NAV3: variants seen among roughly 807,000 people sequenced by gnomAD.
The protein encoded by NAV3 is pore membrane and/or filament interacting like protein 1.
Under a neutral mutation model 244.7 loss-of-function variants are expected in NAV3, and 87 were observed. That is an observed-to-expected ratio of 0.36 (90% CI 0.30 to 0.42). The LOEUF (loss-of-function observed/expected upper bound fraction) is 0.42. Ranked by LOEUF, NAV3 falls within the 20% of genes least tolerant of loss-of-function variation. The pLI, the probability that NAV3 is intolerant of heterozygous loss-of-function variation, is 1.00. For missense variants in NAV3, 2,663 were observed against 2,893.3 expected, an observed-to-expected ratio of 0.92 and a Z score of 1.83; for synonymous variants, 1,126 against 1,042.2, an observed-to-expected ratio of 1.08 and a Z score of -1.55.
At chr12:77,670,088 C>G (rs778334528) in intron 2 of NAV3, among the ~76,000 whole-genome samples, 22 of 152,042 alleles carry the variant, frequency 1.4e-4, no homozygotes, top group Non-Finnish European at 2.9e-4. Context: ...TCCAAATAAG[C>G]TCAATGGGAA....
At chr12:78,121,564 C>T (rs992385557) in intron 15 of NAV3, among the ~76,000 whole-genome samples, 3 of 151,846 alleles carry the variant, frequency 2.0e-5, no homozygotes, top group African/African-American at 7.3e-5. Flanking sequence ...CTATCGAATG[C>T]GTAGAAGTTG....
intron 39 of NAV3, among the ~76,000 whole-genome samples, chr12:78,206,157 A>G (rs1447144160): frequency 2.0e-5 from 3 of 150,660 alleles, no homozygotes; most frequent in Non-Finnish European, 4.5e-5. Context: ...GTTTCATAAA[A>G]TCACTGAAGT....
intron 2 of NAV3, among the ~76,000 whole-genome samples, chr12:77,739,911 T>A (rs1042925713): frequency 6.6e-6 from 1 of 152,202 alleles, no homozygotes; most frequent in South Asian, 2.1e-4. Context: ...TGTTTTATAA[T>A]GACTCACACA....
chr12:77,627,645 A>G (rs1216515019), intron 2 of NAV3, among the ~76,000 whole-genome samples: 2 of 152,204 alleles, frequency 1.3e-5, no homozygotes, highest in Non-Finnish European at 2.9e-5. Context: ...CTAAAATTAA[A>G]GTAAAATATG....
intron 2 of NAV3, among the ~76,000 whole-genome samples, chr12:77,799,919 T>TAA (rs1871614854): frequency 6.6e-6 from 1 of 152,200 alleles, no homozygotes; most frequent in Non-Finnish European, 1.5e-5. Flanking sequence ...ACTGTAGTTT[T>TAA]TGATTCCCCA....
chr12:77,789,915 G>A (rs1309324441), intron 2 of NAV3, among the ~76,000 whole-genome samples: 1 of 151,710 alleles, frequency 6.6e-6, no homozygotes, highest in African/African-American at 2.4e-5. Context: ...TTTGTGTTGT[G>A]CCACATTCAA....
At chr12:77,886,665 G>C (rs1883327294) in intron 1 of NAV3, among the ~76,000 whole-genome samples, 1 of 152,046 alleles carries the variant, frequency 6.6e-6, no homozygotes, top group Non-Finnish European at 1.5e-5. Flanking sequence ...CTGAATAAAA[G>C]CAGCTGAATT....
chr12:78,181,069 T>C (rs2139740860), intron 30 of NAV3, 24 bp downstream of exon 30: 1 of 1,609,712 alleles, frequency 6.2e-7, no homozygotes, highest in Non-Finnish European at 8.5e-7. Flanking sequence ...CATGCTTGCC[T>C]GAATCACAGC....
At chr12:78,160,875 C>G (rs1042396219) in intron 23 of NAV3, among the ~76,000 whole-genome samples, 5 of 151,248 alleles carry the variant, frequency 3.3e-5, no homozygotes, top group Admixed American at 2.6e-4. Flanking sequence ...CCCTCCCTTC[C>G]TTCCTTTTTC....
intron 1 of NAV3, among the ~76,000 whole-genome samples, chr12:77,833,185 G>A (rs1035711328): frequency 7.2e-5 from 11 of 152,158 alleles, no homozygotes; most frequent in African/African-American, 2.7e-4. Context: ...TAATTATCTG[G>A]ATAATTTATT....
rs1210376364 is a variant in NAV3, at chr12:78,050,970, T to C, written c.2339T>C (p.Met780Thr). The C allele has an allele frequency of 2.5e-6, 4 of 1,614,146 alleles. No homozygotes were observed. The highest frequency in any genetic ancestry group is 4.5e-5 in the East Asian group (2 of 44,848). ...RFIHTDPSRF[M>T]YTTPLRRAAV... ...ATCCACACAGACCCCTCGAGGTTCA[T>C]GTATACCACGCCTCTCCGTCGAGCT... Residue 780 changes from methionine to threonine, a missense_variant, in exon 11 of 40, where the codon ATG (methionine) becomes ACG (threonine). Met to Thr is a moderately conservative substitution (Grantham distance 81). This residue lies in a region of NAV3 where 1,521 missense variants were observed against 1,497.0 expected (regional missense o/e 1.02). Transcript: ENST00000397909.
chr12:77,823,955 A>G (rs1211670910), intron 2 of NAV3, among the ~76,000 whole-genome samples: 1 of 152,232 alleles, frequency 6.6e-6, no homozygotes, highest in Non-Finnish European at 1.5e-5. Context: ...GAGATGAAAA[A>G]GTATAGTGTG....
intron 9 of NAV3, chr12:78,037,471 A>G: frequency 1.7e-6 from 1 of 604,740 alleles, no homozygotes; most frequent in Non-Finnish European, 3.0e-6. Flanking sequence ...TTTGCCAAAT[A>G]GCTTTCATGT....
chr12:77,986,322 A>T (rs1041888830), intron 5 of NAV3, among the ~76,000 whole-genome samples: 3 of 152,212 alleles, frequency 2.0e-5, no homozygotes, highest in African/African-American at 7.2e-5. Flanking sequence ...AGATCGTGCC[A>T]CTGCACTCCT....
chr12:78,036,760 T>G, intron 9 of NAV3: 2 of 595,520 alleles, frequency 3.4e-6, no homozygotes, highest in Non-Finnish European at 6.0e-6. Context: ...CTTGAGCTTT[T>G]ATTGAAGTGC....
chr12:77,795,756 C>G (rs1036889585), intron 2 of NAV3, among the ~76,000 whole-genome samples: 3 of 152,100 alleles, frequency 2.0e-5, no homozygotes, highest in Non-Finnish European at 4.4e-5. Context: ...TGCTCATTGA[C>G]CATTCTGAAG....
chr12:78,086,521 C>T (rs1953647048), intron 12 of NAV3, among the ~76,000 whole-genome samples: 1 of 152,034 alleles, frequency 6.6e-6, no homozygotes, highest in Non-Finnish European at 1.5e-5. Flanking sequence ...CTTATTGCTA[C>T]CAATATTTTT....
chr12:77,862,797 A>G (rs1879440034), intron 1 of NAV3, among the ~76,000 whole-genome samples: 1 of 151,838 alleles, frequency 6.6e-6, no homozygotes, highest in Non-Finnish European at 1.5e-5. Flanking sequence ...TAATGTTTCC[A>G]TATTAATCAG....
chr12:77,717,573 G>T (rs1387086299), intron 2 of NAV3, among the ~76,000 whole-genome samples: 1 of 151,986 alleles, frequency 6.6e-6, no homozygotes, highest in Non-Finnish European at 1.5e-5. Flanking sequence ...GACTAATGTT[G>T]CAATGCTGCA....
Sources: allele counts gnomAD v4.1 joint callset (sites outside exome capture counted in the v4.1 genomes callset), GRCh38; gene constraint gnomAD v4.1.1; regional missense constraint gnomAD v4.1.1; transcripts MANE v1.5; gene names NCBI Gene and HGNC (gene_info 2026-07-23, HGNC 2026-07-21).